SPACA7: variants seen among roughly 807,000 people sequenced by gnomAD.
SPACA7 encodes the protein sperm acrosome associated 7.
Under a neutral mutation model 26.3 loss-of-function variants are expected in SPACA7, and 19 were observed. The ratio of observed to expected loss-of-function variants is 0.72; its 90% confidence interval spans 0.50 to 1.06. The LOEUF (loss-of-function observed/expected upper bound fraction) is 1.06, where lower values mean the gene tolerates loss of function less well. Ranked by LOEUF, SPACA7 falls within the 50% of genes least tolerant of loss-of-function variation. The pLI, the probability that SPACA7 is intolerant of heterozygous loss-of-function variation, is 0.00. For missense variants in SPACA7, 211 were observed against 229.9 expected (o/e 0.92, Z 0.53); for synonymous variants, 84 against 84.5 (o/e 0.99, Z 0.04).
At position 112,409,096 on chromosome 13, in the gene SPACA7, C is replaced by T. The variant is rs1295235814; in HGVS notation, c.445+7932C>T. Among the ~76,000 whole-genome samples, 3 of 152,188 alleles carry T rather than the reference C, an allele frequency of 2.0e-5. No homozygotes were observed. In the South Asian group the frequency reaches 6.2e-4, roughly 32 times the overall value. On this transcript the variant is annotated intron_variant, in intron 5 of 6. Coordinates refer to ENST00000283550, the MANE Select transcript of SPACA7 (RefSeq NM_145248.5). ...ACCATCTGATCTTTGACAAACCTGA[C>T]AAAAACAAGGAATGGGGAAAGGATT...
At chr13:112,422,717 G>A (rs913665680) in intron 5 of SPACA7, among the ~76,000 whole-genome samples, 1 of 152,120 alleles carries the variant, frequency 6.6e-6, no homozygotes, top group Non-Finnish European at 1.5e-5. Context: ...AAGTCACAAG[G>A]GAAATTCAAA....
At chr13:112,395,205 G>C in intron 2 of SPACA7, among the ~76,000 whole-genome samples, 1 of 152,344 alleles carries the variant, frequency 6.6e-6, no homozygotes, top group East Asian at 1.9e-4. Flanking sequence ...GGTGTGCTGG[G>C]GATGGCTCAT....
chr13:112,413,018 A>G (rs1255989864), intron 5 of SPACA7, among the ~76,000 whole-genome samples: 2 of 152,142 alleles, frequency 1.3e-5, no homozygotes, highest in African/African-American at 2.4e-5. Flanking sequence ...TTGTTGCCTC[A>G]ATTTGTCTTT....
chr13:112,395,979 C>G (rs1011440643), intron 2 of SPACA7, among the ~76,000 whole-genome samples: 1 of 150,998 alleles, frequency 6.6e-6, no homozygotes, highest in Non-Finnish European at 1.5e-5. Context: ...GTCAAGGCAG[C>G]CTTTCGCCCT....
intron 1 of SPACA7, among the ~76,000 whole-genome samples, chr13:112,383,121 AAAAGAAAGAAAGAAAGAAAGAAAGAAAG>A (rs1233884331): frequency 0.014 from 478 of 33,874 alleles, 16 homozygotes; most frequent in Middle Eastern, 0.071. Flanking sequence ...AAAAGAAAAG[AAAAGAAAGAAAGAAAGAAAGAAAGAAAG>A]AAAGAAAGAA....
At chr13:112,388,553 G>A (rs1884677649) in intron 1 of SPACA7, among the ~76,000 whole-genome samples, 1 of 152,212 alleles carries the variant, frequency 6.6e-6, no homozygotes, top group South Asian at 2.1e-4. Flanking sequence ...GCTGGCTTCT[G>A]GATCCATTGT....
intron 5 of SPACA7, among the ~76,000 whole-genome samples, chr13:112,423,053 G>C (rs1437058139): frequency 6.6e-6 from 1 of 152,094 alleles, no homozygotes; most frequent in Non-Finnish European, 1.5e-5. Flanking sequence ...ACTATATTTT[G>C]TAAATAAAAA....
At chr13:112,406,064 T>A (rs1885968892) in intron 5 of SPACA7, among the ~76,000 whole-genome samples, 1 of 152,216 alleles carries the variant, frequency 6.6e-6, no homozygotes, top group Admixed American at 6.5e-5. Context: ...CATTTGCTTT[T>A]TTCTTCAATT....
At chr13:112,396,573 C>T (rs981226445) in intron 2 of SPACA7, among the ~76,000 whole-genome samples, 19 of 152,178 alleles carry the variant, frequency 1.2e-4, no homozygotes, top group African/African-American at 4.6e-4. Flanking sequence ...CAGAAGAGTG[C>T]CCAGTAAATG....
At chr13:112,402,707 A>G (rs1327706038) in intron 5 of SPACA7, among the ~76,000 whole-genome samples, 3 of 152,132 alleles carry the variant, frequency 2.0e-5, no homozygotes, top group Admixed American at 2.0e-4. Flanking sequence ...GCATCCATCA[A>G]CCATTTTATG....
chr13:112,427,807 C>T (rs1339353914), intron 5 of SPACA7, among the ~76,000 whole-genome samples: 1 of 152,054 alleles, frequency 6.6e-6, no homozygotes, highest in Non-Finnish European at 1.5e-5. Context: ...TCTCATTTCA[C>T]CTAAGTTGGC....
intron 5 of SPACA7, among the ~76,000 whole-genome samples, chr13:112,415,177 GA>G (rs1747661222): frequency 6.6e-6 from 1 of 152,170 alleles, no homozygotes. Flanking sequence ...ATAGCAGACG[GA>G]ATCTCTCTCC....
At chr13:112,397,092 T>C (rs1463599287) in intron 2 of SPACA7, among the ~76,000 whole-genome samples, 3 of 152,272 alleles carry the variant, frequency 2.0e-5, no homozygotes, top group Non-Finnish European at 2.9e-5. Context: ...GCGCGGCTGC[T>C]GGGTGAGAAA....
At chr13:112,379,508 G>A (rs890022247) in intron 1 of SPACA7, among the ~76,000 whole-genome samples, 7 of 152,100 alleles carry the variant, frequency 4.6e-5, no homozygotes, top group African/African-American at 9.7e-5. Context: ...AGACAATAAC[G>A]GAAATTAGGA....
intron 2 of SPACA7, among the ~76,000 whole-genome samples, chr13:112,395,721 C>T (rs1215345126): frequency 3.9e-5 from 6 of 152,298 alleles, no homozygotes; most frequent in African/African-American, 1.2e-4. Flanking sequence ...CTGCCCACCT[C>T]GGCCTCCCAG....
intron 5 of SPACA7, among the ~76,000 whole-genome samples, chr13:112,405,184 G>A (rs1349249976): frequency 2.6e-5 from 4 of 151,488 alleles, no homozygotes; most frequent in Admixed American, 6.6e-5. Context: ...GGGTTTCACC[G>A]TGTTAGCCAG....
chr13:112,383,074 AAG>A (rs967096980), intron 1 of SPACA7, among the ~76,000 whole-genome samples: 2 of 81,760 alleles, frequency 2.4e-5, no homozygotes, highest in Non-Finnish European at 4.9e-5. Flanking sequence ...CAGAAAGAGA[AAG>A]AAAGAAAAAG....
At chr13:112,419,639 T>C (rs755602257) in intron 5 of SPACA7, among the ~76,000 whole-genome samples, 17 of 152,196 alleles carry the variant, frequency 1.1e-4, no homozygotes, top group Non-Finnish European at 2.4e-4. Flanking sequence ...TCACCATTAC[T>C]AACAGAGAGC....
At chr13:112,414,360 G>GA (rs1375227850) in intron 5 of SPACA7, among the ~76,000 whole-genome samples, 1 of 118,018 alleles carries the variant, frequency 8.5e-6, no homozygotes, top group South Asian at 3.1e-4. Flanking sequence ...AAATTAATCT[G>GA]ATAAGTTTCT....
Sources: gnomAD v4.1 joint callset for allele counts (sites outside exome capture counted in the v4.1 genomes callset) on GRCh38, gnomAD v4.1.1 for gene constraint, MANE v1.5 for transcripts, NCBI Gene and HGNC (gene_info 2026-07-23, HGNC 2026-07-21) for gene names.